Variants in OR51B5 observed in about 807,000 individuals in gnomAD.
The protein encoded by OR51B5 is olfactory receptor 51B5.
For synonymous variants in OR51B5, 186 were observed against 144.8 expected (o/e 1.28, Z -2.04); for missense variants, 456 against 374.6 (o/e 1.22, Z -1.79).
intron 1 of OR51B5, chr11:5,489,522 C>A (rs560801681): frequency 1.9e-6 from 3 of 1,614,066 alleles, no homozygotes; most frequent in African/African-American, 2.7e-5. Context: ...ACCACGAAGT[C>A]CCCAAGCATG....
rs372381135 is a variant in OR51B5, at chr11:5,441,048, G to A, written n.84+64521C>T. 2.4e-5 allele frequency: 39 copies of A among 1,613,874 alleles called. No homozygotes were observed. Among genetic ancestry groups the A allele is most frequent in the African/African-American group, 1.3e-4 (10 of 74,912 alleles). On this transcript the variant is annotated intron_variant and non_coding_transcript_variant, in intron 1 of 4. Transcript: ENST00000415970. Reference sequence around the variant, plus strand: ...CACAAAAGGGAAAGGGAAGAGAGTGGTGAAACTCTTGGTAAGGATGCCCAG... The same window carrying A: ...CACAAAAGGGAAAGGGAAGAGAGTGATGAAACTCTTGGTAAGGATGCCCAG...
intron 1 of OR51B5, among the ~76,000 whole-genome samples, chr11:5,465,867 C>G (rs1851132408): frequency 6.6e-6 from 1 of 150,974 alleles, no homozygotes; most frequent in Admixed American, 6.6e-5. Context: ...AGAAGAAAAC[C>G]TAGGCATCAC....
In OR51B5 at chr11:5,494,320, T is replaced by A. The variant is rs926649373; in HGVS notation, n.84+11249A>T. 9.8e-5 allele frequency among the ~76,000 whole-genome samples: 15 copies of A among 152,318 alleles called. No individual in the cohort carries two copies. In the South Asian group the frequency reaches 3.1e-3, roughly 32 times the overall value. ...GACTTTGAGGTGAACCATTTCTTTG[T>A]CTCTTCCTCTGTGGACTTTATTGTC... On this transcript the variant is annotated intron_variant and non_coding_transcript_variant, in intron 1 of 4. Transcript: ENST00000415970.
At chr11:5,489,178 A>C (rs765581919) in intron 1 of OR51B5, 2 of 1,612,776 alleles carry the variant, frequency 1.2e-6, no homozygotes, top group Admixed American at 1.7e-5. Context: ...TAGTGTGGCT[A>C]TTGTCTCCCC....
At chr11:5,391,468 G>A (rs11037197) in intron 1 of OR51B5, 119,220 of 152,210 alleles carry the variant, frequency 0.78, 47,093 homozygotes, top group Middle Eastern at 0.82. Context: ...TGTCTTGCTC[G>A]CCAGTAAATG....
chr11:5,444,446 G>T (rs1850734120), intron 1 of OR51B5, among the ~76,000 whole-genome samples: 1 of 152,168 alleles, frequency 6.6e-6, no homozygotes, highest in African/African-American at 2.4e-5. Flanking sequence ...CCTGGCATCA[G>T]GTGTCTGTGA....
chr11:5,373,665 C>G (rs1230430218), intron 1 of OR51B5, among the ~76,000 whole-genome samples: 1 of 152,188 alleles, frequency 6.6e-6, no homozygotes, highest in Non-Finnish European at 1.5e-5. Flanking sequence ...AAATGGCGCA[C>G]CAGGAGATTA....
intron 1 of OR51B5, among the ~76,000 whole-genome samples, chr11:5,404,943 C>T (rs12293659): frequency 0.16 from 24,562 of 151,998 alleles, 2,466 homozygotes; most frequent in African/African-American, 0.29. Context: ...AAACTCTGGA[C>T]GCACCATCTT....
chr11:5,486,083 C>A (rs181328293), intron 1 of OR51B5, among the ~76,000 whole-genome samples: 1 of 152,018 alleles, frequency 6.6e-6, no homozygotes, highest in Non-Finnish European at 1.5e-5. Flanking sequence ...AGAACCAAAC[C>A]TGCCAACATC....
downstream of OR51B5, among the ~76,000 whole-genome samples, chr11:5,341,982 G>C (rs1182383492): frequency 6.6e-6 from 1 of 152,156 alleles, no homozygotes; most frequent in Non-Finnish European, 1.5e-5. Flanking sequence ...ATGAGTTTAT[G>C]GTTTTTGAGA....
intron 1 of OR51B5, among the ~76,000 whole-genome samples, chr11:5,496,672 C>T (rs952261610): frequency 6.6e-6 from 1 of 152,160 alleles, no homozygotes; most frequent in Non-Finnish European, 1.5e-5. Context: ...TTTTTCAGTG[C>T]ACCTTTGAGT....
chr11:5,389,853 A>G (rs2133728544), intron 1 of OR51B5: 1 of 1,613,818 alleles, frequency 6.2e-7, no homozygotes, highest in Non-Finnish European at 8.5e-7. Flanking sequence ...ACTGGCCAGC[A>G]AGTGGTCAGA....
At chr11:5,460,541 G>C (rs781722087) in intron 1 of OR51B5, among the ~76,000 whole-genome samples, 1 of 152,118 alleles carries the variant, frequency 6.6e-6, no homozygotes, top group Non-Finnish European at 1.5e-5. Context: ...ATCTCATTGA[G>C]CTTCCTTGCC....
At chr11:5,422,328 G>C (rs913113516) in intron 1 of OR51B5, 11 of 1,613,998 alleles carry the variant, frequency 6.8e-6, no homozygotes, top group Non-Finnish European at 8.5e-6. Flanking sequence ...TCCATCATGG[G>C]CAATACCACC....
intron 1 of OR51B5, among the ~76,000 whole-genome samples, chr11:5,420,802 ATTT>A (rs1025039061): frequency 6.6e-6 from 1 of 151,858 alleles, no homozygotes; most frequent in African/African-American, 2.4e-5. Flanking sequence ...CTATTGAATA[ATTT>A]TTTTTCTAAT....
intron 1 of OR51B5, among the ~76,000 whole-genome samples, chr11:5,504,200 G>GA (rs1180019540): frequency 4.6e-5 from 7 of 151,856 alleles, no homozygotes; most frequent in African/African-American, 9.6e-5. Context: ...TTTTTTTAAA[G>GA]AAAAAAAAGA....
At chr11:5,410,328 G>A (rs1271490714) in intron 1 of OR51B5, among the ~76,000 whole-genome samples, 1 of 152,104 alleles carries the variant, frequency 6.6e-6, no homozygotes, top group East Asian at 1.9e-4. Flanking sequence ...GATATCATTT[G>A]AGTTTTTAAA....
At chr11:5,422,827 T>C (rs899608609) in intron 1 of OR51B5, 14 of 1,614,054 alleles carry the variant, frequency 8.7e-6, no homozygotes, top group Admixed American at 3.3e-5. Flanking sequence ...TGCTCATTAT[T>C]ATCGTGGATC....
Position 5,494,474 on chromosome 11 carries a change from T to C in OR51B5, n.84+11095A>G, listed in dbSNP as rs1453074251. Among the ~76,000 whole-genome samples the C allele has an allele frequency of 2.6e-5, 4 of 152,334 alleles. No homozygotes were observed. The East Asian group carries it at 5.8e-4, about 22-fold the overall frequency. On this transcript the variant is annotated intron_variant and non_coding_transcript_variant, in intron 1 of 4. Coordinates refer to the OR51B5 transcript ENST00000415970. ...AGTTCTTCATTCAGCACAGGAACCA[T>C]ACTTTATCTTTCTGGAGGAGCTGAC...
Sources: gnomAD v4.1 joint callset for allele counts (sites outside exome capture counted in the v4.1 genomes callset) on GRCh38, gnomAD v4.1.1 for gene constraint, MANE v1.5 for transcripts, NCBI Gene and HGNC (gene_info 2026-07-23, HGNC 2026-07-21) for gene names.